The following AGBL4 variants were observed in gnomAD, a reference collection of about 807,000 sequenced individuals.
AGBL4 encodes the protein AGBL carboxypeptidase 4.
In AGBL4, 58 loss-of-function variants were observed where a neutral mutation model predicts 66.4. That is an observed-to-expected ratio of 0.87 (90% CI 0.71 to 1.09). The LOEUF (loss-of-function observed/expected upper bound fraction) is 1.09. Ranked by LOEUF, AGBL4 falls within the 50% of genes least tolerant of loss-of-function variation. AGBL4 has a pLI of 0.00. For synonymous variants in AGBL4, 234 were observed against 222.9 expected, an observed-to-expected ratio of 1.05 and a Z score of -0.44; for missense variants, 579 against 631.0, an observed-to-expected ratio of 0.92 and a Z score of 0.88.
intron 9 of AGBL4, among the ~76,000 whole-genome samples, chr1:48,611,275 T>A (rs1322849251): frequency 6.6e-6 from 1 of 152,200 alleles, no homozygotes; most frequent in Non-Finnish European, 1.5e-5. Flanking sequence ...TCCTGTCAGA[T>A]GGCCTGACTT....
chr1:49,447,346 C>T (rs1258796790), intron 3 of AGBL4, among the ~76,000 whole-genome samples: 1 of 152,166 alleles, frequency 6.6e-6, no homozygotes, highest in Non-Finnish European at 1.5e-5. Flanking sequence ...GGGATTAATA[C>T]TGCCTGTGGG....
At chr1:49,434,711 G>C (rs937562664) in intron 3 of AGBL4, among the ~76,000 whole-genome samples, 3 of 150,306 alleles carry the variant, frequency 2.0e-5, no homozygotes, top group Admixed American at 6.6e-5. Context: ...GGTGGTGCTG[G>C]TGGTGGTGGT....
chr1:49,899,958 C>T (rs1218699505), intron 1 of AGBL4, among the ~76,000 whole-genome samples: 1 of 152,022 alleles, frequency 6.6e-6, no homozygotes, highest in Non-Finnish European at 1.5e-5. Context: ...TGGAGAATCA[C>T]TTGAACCCAG....
At chr1:49,051,236 C>T (rs1644204266) in intron 4 of AGBL4, among the ~76,000 whole-genome samples, 1 of 152,006 alleles carries the variant, frequency 6.6e-6, no homozygotes, top group Non-Finnish European at 1.5e-5. Flanking sequence ...AAAAGGTGTG[C>T]AAAACAAGGG....
intron 3 of AGBL4, among the ~76,000 whole-genome samples, chr1:49,540,042 A>T (rs1260293268): frequency 6.6e-6 from 1 of 152,224 alleles, no homozygotes; most frequent in African/African-American, 2.4e-5. Flanking sequence ...ATGAGCCCAG[A>T]GGGGAAGAAA....
rs1301215580 is a variant in AGBL4 at position 49,261,552 on chromosome 1, A to G, written c.283-15688T>C. Among the ~76,000 whole-genome samples, 15 of 151,060 alleles carry G rather than the reference A, an allele frequency of 9.9e-5. No individual in the cohort carries two copies. The South Asian group carries it at 1.7e-3, about 17-fold the overall frequency. ...AGAGCCAAATCATGAGTGAACTCCC[A>G]TTCACAATTGCTTCAAAGAGAATAA... On this transcript the variant is annotated intron_variant, in intron 3 of 13. Coordinates refer to ENST00000371839, the MANE Select transcript of AGBL4 (RefSeq NM_032785.4).
At chr1:49,470,913 C>T (rs1177745429) in intron 3 of AGBL4, among the ~76,000 whole-genome samples, 2 of 152,014 alleles carry the variant, frequency 1.3e-5, no homozygotes, top group Admixed American at 6.6e-5. Context: ...CTAACACTAC[C>T]GGCTCACTCT....
chr1:49,001,248 T>C (rs1388398261), intron 5 of AGBL4, among the ~76,000 whole-genome samples: 1 of 152,236 alleles, frequency 6.6e-6, no homozygotes, highest in African/African-American at 2.4e-5. Context: ...AGTTATAACA[T>C]GACCCTTTAG....
intron 3 of AGBL4, among the ~76,000 whole-genome samples, chr1:49,456,204 T>G (rs1646385188): frequency 6.6e-6 from 1 of 151,742 alleles, no homozygotes; most frequent in African/African-American, 2.4e-5. Flanking sequence ...GTTGAGTGAG[T>G]GTTGAAACTC....
At chr1:49,029,834 G>T (rs1156915929) in intron 5 of AGBL4, among the ~76,000 whole-genome samples, 2 of 152,150 alleles carry the variant, frequency 1.3e-5, no homozygotes, top group Non-Finnish European at 2.9e-5. Context: ...TAGACATATA[G>T]ATCAATAGAA....
chr1:49,519,230 T>C (rs1376115918), intron 3 of AGBL4, among the ~76,000 whole-genome samples: 1 of 152,062 alleles, frequency 6.6e-6, no homozygotes, highest in Non-Finnish European at 1.5e-5. Flanking sequence ...GTGAGTCTCT[T>C]AAGAGAGAAT....
At chr1:49,441,047 T>G (rs1356629915) in intron 3 of AGBL4, among the ~76,000 whole-genome samples, 1 of 152,084 alleles carries the variant, frequency 6.6e-6, no homozygotes, top group East Asian at 1.9e-4. Context: ...CCTGAGGCAG[T>G]TGCCAGGCAA....
intron 4 of AGBL4, among the ~76,000 whole-genome samples, chr1:49,111,115 T>G (rs866785848): frequency 1.1e-3 from 4 of 3,666 alleles, no homozygotes; most frequent in Non-Finnish European, 4.8e-3. Flanking sequence ...TTCGTTGAAT[T>G]TTTTTTTTTT....
At chr1:49,091,491 T>TA (rs2147979694) in intron 4 of AGBL4, among the ~76,000 whole-genome samples, 1 of 152,228 alleles carries the variant, frequency 6.6e-6, no homozygotes, top group African/African-American at 2.4e-5. Flanking sequence ...CACAATAAGA[T>TA]ATCATCTCAC....
At chr1:49,518,773 T>C (rs1650030643) in intron 3 of AGBL4, among the ~76,000 whole-genome samples, 1 of 152,094 alleles carries the variant, frequency 6.6e-6, no homozygotes, top group African/African-American at 2.4e-5. Context: ...TTTAATTAAA[T>C]GTATGAATCA....
At chr1:49,489,212 T>C (rs1254636296) in intron 3 of AGBL4, among the ~76,000 whole-genome samples, 1 of 151,884 alleles carries the variant, frequency 6.6e-6, no homozygotes, top group Admixed American at 6.6e-5. Flanking sequence ...CTGACTTGGA[T>C]AAAAGCCATT....
intron 3 of AGBL4, among the ~76,000 whole-genome samples, chr1:49,563,487 G>C (rs199777528): frequency 1.3e-5 from 2 of 152,048 alleles, no homozygotes; most frequent in African/African-American, 4.8e-5. Context: ...CGTCCCATCA[G>C]TACCTAATTT....
intron 3 of AGBL4, among the ~76,000 whole-genome samples, chr1:49,381,042 A>T (rs151090938): frequency 6.6e-6 from 1 of 152,194 alleles, no homozygotes; most frequent in East Asian, 1.9e-4. Flanking sequence ...AGAAACTACC[A>T]TCAGAGTGAA....
intron 5 of AGBL4, among the ~76,000 whole-genome samples, chr1:48,891,821 T>G (rs1651001423): frequency 1.3e-5 from 2 of 152,260 alleles, no homozygotes; most frequent in Admixed American, 1.3e-4. Context: ...GAACTAGGCC[T>G]TTAGCTAGGA....
Sources: allele counts gnomAD v4.1 joint callset (sites outside exome capture counted in the v4.1 genomes callset), GRCh38; gene constraint gnomAD v4.1.1; transcripts MANE v1.5; gene names NCBI Gene and HGNC (gene_info 2026-07-23, HGNC 2026-07-21).